Variants in DENND4B observed in about 807,000 individuals in gnomAD.
DENND4B encodes DENN domain containing 4B.
DENND4B carries 67 observed loss-of-function variants against 161.0 expected under a neutral mutation model. The observed-to-expected ratio is 0.42, with a 90% CI of 0.34 to 0.51. The LOEUF (loss-of-function observed/expected upper bound fraction) is 0.51, where lower values mean the gene tolerates loss of function less well. DENND4B is among the 20% of genes least tolerant of loss of function. The pLI is 0.08. For synonymous variants in DENND4B, 753 were observed against 813.8 expected, an observed-to-expected ratio of 0.93 and a Z score of 1.27; for missense variants, 1,481 against 1,968.0, an observed-to-expected ratio of 0.75 and a Z score of 4.68.
chr1:153,930,639 A>C lies in DENND4B; in HGVS notation c.4281-36T>G, dbSNP rs763953270. The stretch of plus-strand genomic sequence containing the variant: ...GGCAGAAGTGTATGAGTGAGAGAAA[A>C]GGGGTGTGGAGCCCCGGACAGACCA... On this transcript the variant is annotated intron_variant, in intron 26 of 27. Transcript: ENST00000361217. The surrounding 1 kb of genome is among the most constrained non-coding windows in gnomAD (Gnocchi z 4.7). 2 of 1,613,748 alleles carry C rather than the reference A, an allele frequency of 1.2e-6. No homozygotes were observed. Among genetic ancestry groups the C allele is most frequent in the South Asian group, 2.2e-5 (2 of 91,036 alleles).
rs780167408 is a variant in DENND4B at position 153,930,510 on chromosome 1, ACTC to A, written c.4345+26_4345+28del. ...CCCACACCTGGCCCCAGATCCCTAA[ACTC>A]CTCAGCCCCTTGCCTGCAATCTCAC... On this transcript the variant is annotated intron_variant, in intron 27 of 27. Transcript: ENST00000361217. The surrounding 1 kb of genome is among the most constrained non-coding windows in gnomAD (Gnocchi z 4.7). 2.0e-5 allele frequency: 32 copies of A among 1,613,384 alleles called. No individual in the cohort carries two copies. The highest frequency in any genetic ancestry group is 4.5e-5 in the East Asian group (2 of 44,864).
At position 153,930,138 on chromosome 1, in the gene DENND4B, A is replaced by G. The variant is rs1678818945; in HGVS notation, c.*159T>C. The G allele has an allele frequency of 1.0e-6, 1 of 1,001,240 alleles. No homozygotes were observed. Among genetic ancestry groups the G allele is most frequent in the Non-Finnish European group, 1.4e-6 (1 of 703,008 alleles). The allele number at this position is 1,001,240 out of a possible 1,614,324, so 62.0% of individuals were successfully genotyped here. A position where few individuals can be genotyped will look rare whatever the true frequency, so the allele number is the denominator to read the frequency against. On this transcript the variant is annotated 3_prime_UTR_variant, in exon 28 of 28. Transcript: ENST00000361217. This position sits in a 1 kb window ranked among gnomAD's most constrained non-coding sequence, Gnocchi z 4.7. ...TGGGGGAATCAGGACTTTTGGTAAC[A>G]GTGGATCCCTCTTCCTGTTGTCCTC...
chr1:153,938,742 T>A (rs1403718036), intron 13 of DENND4B, among the ~76,000 whole-genome samples, 158 bp downstream of exon 13: 1 of 150,772 alleles, frequency 6.6e-6, no homozygotes, highest in East Asian at 1.9e-4. Context: ...AAAAAAATAT[T>A]AAAAATTAAA....
At position 153,942,888 on chromosome 1, in the gene DENND4B, T is replaced by C; in HGVS notation, c.560A>G (p.Asn187Ser). The part of the protein sequence containing the change: ...HTYCRLPRNL[N>S]PGMWGPAVYL... ...CTTGGCCCCACTCACCATGCCAGGGTTGAGGTTGCGGGGCAGCCGGCAGTA... is the reference window on the plus strand; with the variant it reads ...CTTGGCCCCACTCACCATGCCAGGGCTGAGGTTGCGGGGCAGCCGGCAGTA... Residue 187 changes from asparagine to serine, a missense_variant, in exon 3 of 28, where the codon AAC (asparagine) becomes AGC (serine). By Grantham distance (46) the Asn-to-Ser change is conservative (BLOSUM62 1). This residue lies in a region of DENND4B where 806 missense variants were observed against 1,134.4 expected (regional missense o/e 0.71). Transcript: ENST00000361217. This position sits in a 1 kb window ranked among gnomAD's most constrained non-coding sequence, Gnocchi z 6.9. 1 of 1,598,768 alleles carries C rather than the reference T, an allele frequency of 6.3e-7. No individual in the cohort carries two copies. The highest frequency in any genetic ancestry group is 8.6e-7 in the Non-Finnish European group (1 of 1,168,624).
chr1:153,932,026 C>T lies in DENND4B; in HGVS notation c.3996+178G>A, dbSNP rs1022074994. ...TTCTCCCAGTTGGTCAGGCTGGTCT[C>T]GAACTCCTGACCTCAGGTGATTCGC... On this transcript the variant is annotated intron_variant, in intron 24 of 27. Transcript: ENST00000361217. This position sits in a 1 kb window ranked among gnomAD's most constrained non-coding sequence, Gnocchi z 5.8. 7 of 592,094 alleles carry T rather than the reference C, an allele frequency of 1.2e-5. No homozygotes were observed. The highest frequency in any genetic ancestry group is 9.4e-5 in the African/African-American group (5 of 53,252). The allele number at this position is 592,094 out of a possible 1,614,324, so 36.7% of individuals were successfully genotyped here. A position where few individuals can be genotyped will look rare whatever the true frequency, so the allele number is the denominator to read the frequency against.
rs1174520019 is a variant in DENND4B at position 153,941,908 on chromosome 1, C to T, written c.1016G>A (p.Arg339His). Reference sequence around the variant, plus strand: ...GCGGTGGGGGCCTGAGACGGAGTAGCGGTAAAGGAAGGTGAGGAAGGCGCG... The same window carrying T: ...GCGGTGGGGGCCTGAGACGGAGTAGTGGTAAAGGAAGGTGAGGAAGGCGCG... Reference protein sequence around the residue: ...AFRAFLTFLYRYSVSGPHRLP... With the variant: ...AFRAFLTFLYHYSVSGPHRLP... Residue 339 changes from arginine (R) to histidine (H), a missense_variant, in exon 6 of 28, where the codon CGC (arginine) becomes CAC (histidine). Physicochemically the swap from Arg to His is conservative, Grantham distance 29. Transcript: ENST00000361217. 6 of 1,612,078 alleles carry T rather than the reference C, an allele frequency of 3.7e-6. No individual in the cohort carries two copies. Among genetic ancestry groups the T allele is most frequent in the Non-Finnish European group, 5.1e-6 (6 of 1,179,864 alleles).
intron 6 of DENND4B, 25 bp from the exon 7 acceptor site, chr1:153,941,465 A>G: frequency 2.5e-6 from 4 of 1,603,148 alleles, no homozygotes; most frequent in Non-Finnish European, 2.6e-6. Context: ...AACAGGTCAG[A>G]GCATACTCCC....
Position 153,934,260 on chromosome 1 carries a change from C to A in DENND4B, c.2816G>T (p.Arg939Leu). ...ERPSPTRPLQ[R>L]QTTWAGRSLR... ...ACTTCGCCCAGCCCAAGTAGTCTGGCGCTGAAGAGGGCGAGTAGGGGAAGG... is the reference window on the plus strand; with the variant it reads ...ACTTCGCCCAGCCCAAGTAGTCTGGAGCTGAAGAGGGCGAGTAGGGGAAGG... Residue 939 changes from arginine to leucine, a missense_variant, in exon 19 of 28, where the codon CGC becomes CTC. Arg to Leu is a moderately radical substitution (Grantham distance 102). Around this residue, in one of 3 missense-constraint regions of DENND4B, gnomAD observed 339 missense variants for 330.3 expected, o/e 1.03. Coordinates refer to ENST00000361217, the MANE Select transcript of DENND4B (RefSeq NM_014856.3). The surrounding 1 kb of genome is among the most constrained non-coding windows in gnomAD (Gnocchi z 5.3). The A allele has an allele frequency of 6.3e-7, 1 of 1,597,330 alleles. No individual in the cohort carries two copies.
In DENND4B at chr1:153,930,005, G is replaced by A; in HGVS notation, c.*292C>T. The A allele has an allele frequency of 2.4e-6, 1 of 411,160 alleles. No individual in the cohort carries two copies. Among genetic ancestry groups the A allele is most frequent in the Non-Finnish European group, 4.4e-6 (1 of 227,324 alleles). 25.5% of individuals were successfully genotyped at this position (411,160 alleles called of 1,614,324 possible). A position where few individuals can be genotyped will look rare whatever the true frequency, so the allele number is the denominator to read the frequency against. On this transcript the variant is annotated 3_prime_UTR_variant, in exon 28 of 28. Transcript: ENST00000361217. This position sits in a 1 kb window ranked among gnomAD's most constrained non-coding sequence, Gnocchi z 4.7. ...TGACCAGGGCAATGCAGATCTGTGG[G>A]TACCCTGGAGGGGAGTTCCCGGTAT...
At chr1:153,941,776 C>CGGGG in intron 6 of DENND4B, 93 bp downstream of exon 6, 21 of 509,982 alleles carry the variant, frequency 4.1e-5, no homozygotes, top group African/African-American at 6.0e-5. Flanking sequence ...CTGTGCCCAG[C>CGGGG]CCTCCCCCCA....
chr1:153,941,772 C>CCGGGGGGGGCG, intron 6 of DENND4B, 97 bp downstream of exon 6: 1 of 1,464,446 alleles, frequency 6.8e-7, no homozygotes, highest in Non-Finnish European at 9.3e-7. Context: ...TACCCTGTGC[C>CCGGGGGGGGCG]CAGCCCTCCC....
rs1679346511 is a variant in DENND4B at position 153,936,567 on chromosome 1, C to G, written c.2414G>C (p.Ser805Thr). ...TAYHVLRQME[S>T]GKVVLPDEVC... ...CTCATCAGGGAGCACCACCTTGCCG[C>G]TCTCCATCTGGCGCAGCACATGGTA... Residue 805 changes from serine (S) to threonine (T), a missense_variant, in exon 16 of 28, where the codon AGC becomes ACC. Ser to Thr is a moderately conservative substitution (Grantham distance 58). Transcript: ENST00000361217. The surrounding 1 kb of genome is among the most constrained non-coding windows in gnomAD (Gnocchi z 4.1). 6.2e-7 allele frequency: 1 copy of G among 1,604,970 alleles called. No homozygotes were observed. The highest frequency in any genetic ancestry group is 1.3e-5 in the African/African-American group (1 of 74,798).
chr1:153,932,192 G>T lies in DENND4B; in HGVS notation c.3996+12C>A. On this transcript the variant is annotated intron_variant, in intron 24 of 27. Coordinates refer to ENST00000361217, the MANE Select transcript of DENND4B (RefSeq NM_014856.3). This position sits in a 1 kb window ranked among gnomAD's most constrained non-coding sequence, Gnocchi z 5.8. ...GGCACTTAGGAAACAGGGGCCACAT[G>T]GGGGCACTGACCTGGGAGTGCGAAG... is the stretch of plus-strand genomic sequence containing the variant. 1 of 1,608,796 alleles carries T rather than the reference G, an allele frequency of 6.2e-7. No homozygotes were observed. Among genetic ancestry groups the T allele is most frequent in the Admixed American group, 1.7e-5 (1 of 59,710 alleles).
Position 153,933,510 on chromosome 1 carries a change from C to T in DENND4B, c.3303G>A (p.Arg1101=), listed in dbSNP as rs1272522364. ...RSPMDSLLHP[R]ERPGSTASES... The stretch of plus-strand genomic sequence containing the variant: ...CGGAGGCAGTGGATCCAGGGCGCTC[C>T]CGGGGGTGCAGAAGACTGTCCATGG... The change falls in exon 20 of 28, where the codon CGG becomes CGA. Residue 1101 remains arginine (R), a synonymous_variant. Coordinates refer to ENST00000361217, the MANE Select transcript of DENND4B (RefSeq NM_014856.3). This position sits in a 1 kb window ranked among gnomAD's most constrained non-coding sequence, Gnocchi z 5.7. The T allele has an allele frequency of 6.4e-7, 1 of 1,552,608 alleles. No individual in the cohort carries two copies. Among genetic ancestry groups the T allele is most frequent in the East Asian group, 2.3e-5 (1 of 44,386 alleles).
rs754408493 is a variant in DENND4B, at chr1:153,932,266, G to A, written c.3934C>T (p.Arg1312Cys). The A allele has an allele frequency of 3.7e-6, 6 of 1,613,970 alleles. No homozygotes were observed. The highest frequency in any genetic ancestry group is 1.7e-5 in the Admixed American group (1 of 60,022). Residue 1312 changes from arginine to cysteine, a missense_variant, in exon 24 of 28, where the codon CGC (arginine) becomes TGC (cysteine). This residue lies in a region of DENND4B where 336 missense variants were observed against 503.3 expected (regional missense o/e 0.67). Coordinates refer to ENST00000361217, the MANE Select transcript of DENND4B (RefSeq NM_014856.3). This position sits in a 1 kb window ranked among gnomAD's most constrained non-coding sequence, Gnocchi z 5.8. The stretch of plus-strand genomic sequence containing the variant: ...AGGCCTGGTAGAATACTGGGCAGGC[G>A]TAGCCGTTGGAAATACCACAAAAGG... ...WNLLWYFQRL[R>C]LPSILPGLVL...
chr1:153,944,076 G>C lies in DENND4B; in HGVS notation c.299C>G (p.Pro100Arg). 6.3e-7 allele frequency: 1 copy of C among 1,575,898 alleles called. No individual in the cohort carries two copies. The highest frequency in any genetic ancestry group is 8.6e-7 in the Non-Finnish European group (1 of 1,158,156). Residue 100 changes from proline (P) to arginine (R), a missense_variant, in exon 2 of 28, where the codon CCC becomes CGC. By Grantham distance (103) the Pro-to-Arg change is moderately radical. Around this residue, in one of 3 missense-constraint regions of DENND4B, gnomAD observed 806 missense variants for 1,134.4 expected, o/e 0.71. Coordinates refer to ENST00000361217, the MANE Select transcript of DENND4B (RefSeq NM_014856.3). The surrounding 1 kb of genome is among the most constrained non-coding windows in gnomAD (Gnocchi z 4.8). Reference sequence around the variant, plus strand: ...CACACACCCCAGCTCAACGAGGGGGGGCTTGTCACGGCCCCTGCGGTAGCA... The same window carrying C: ...CACACACCCCAGCTCAACGAGGGGGCGCTTGTCACGGCCCCTGCGGTAGCA... ...VICYRRGRDK[P>R]PLVELGVLYE... is the part of the protein sequence containing the mutation.
intron 1 of DENND4B, chr1:153,945,248 G>T: frequency 9.0e-7 from 1 of 1,107,384 alleles, no homozygotes; most frequent in Non-Finnish European, 1.2e-6. Context: ...GCCCAGAAGC[G>T]TGGGGGGTGC....
At position 153,942,596 on chromosome 1, in the gene DENND4B, C is replaced by A; in HGVS notation, c.600G>T (p.Lys200Asn). The change falls in exon 4 of 28, where the codon AAG becomes AAT. Residue 200 changes from lysine to asparagine, a missense_variant. Around this residue, in one of 3 missense-constraint regions of DENND4B, gnomAD observed 806 missense variants for 1,134.4 expected, o/e 0.71. Coordinates refer to ENST00000361217, the MANE Select transcript of DENND4B (RefSeq NM_014856.3). This position sits in a 1 kb window ranked among gnomAD's most constrained non-coding sequence, Gnocchi z 6.9. Reference sequence around the variant, plus strand: ...GCGTGTTGGCCTTCGCCAGGCCCACCTTATAGCACAGGTACACTGCTGGGC... The same window carrying A: ...GCGTGTTGGCCTTCGCCAGGCCCACATTATAGCACAGGTACACTGCTGGGC... ...MWGPAVYLCY[K>N]VGLAKANTLV... 1 of 1,599,240 alleles carries A rather than the reference C, an allele frequency of 6.3e-7. No individual in the cohort carries two copies. The highest frequency in any genetic ancestry group is 2.3e-5 in the East Asian group (1 of 44,256).
At position 153,933,506 on chromosome 1, in the gene DENND4B, G is replaced by T; in HGVS notation, c.3307C>A (p.Arg1103Ser). The change falls in exon 20 of 28, where the codon CGC becomes AGC. Residue 1103 changes from arginine to serine, a missense_variant. Physicochemically the swap from Arg to Ser is moderately radical, Grantham distance 110. Coordinates refer to ENST00000361217, the MANE Select transcript of DENND4B (RefSeq NM_014856.3). The surrounding 1 kb of genome is among the most constrained non-coding windows in gnomAD (Gnocchi z 5.7). Reference sequence around the variant, plus strand: ...ACCTCGGAGGCAGTGGATCCAGGGCGCTCCCGGGGGTGCAGAAGACTGTCC... The same window carrying T: ...ACCTCGGAGGCAGTGGATCCAGGGCTCTCCCGGGGGTGCAGAAGACTGTCC... ...PMDSLLHPRE[R>S]PGSTASESSA... 1 of 1,552,428 alleles carries T rather than the reference G, an allele frequency of 6.4e-7. No individual in the cohort carries two copies.
Sources: gnomAD v4.1 joint callset for allele counts (sites outside exome capture counted in the v4.1 genomes callset) on GRCh38, gnomAD v4.1.1 for gene constraint, gnomAD v4.1.1 regional missense constraint, Gnocchi (gnomAD v3.1) non-coding constraint, MANE v1.5 for transcripts, NCBI Gene and HGNC (gene_info 2026-07-23, HGNC 2026-07-21) for gene names.